PM20D1: variants seen among roughly 807,000 people sequenced by gnomAD.
The protein encoded by PM20D1 is N-fatty-acyl-amino acid synthase/hydrolase PM20D1.
In PM20D1, 53 loss-of-function variants were observed where a neutral mutation model predicts 53.8. The observed-to-expected ratio is 0.98, with a 90% CI of 0.79 to 1.24. The LOEUF (loss-of-function observed/expected upper bound fraction) is 1.24. Among genes scored for constraint, PM20D1 ranks in the 50% most tolerant of loss-of-function variants. The probability of loss-of-function intolerance (pLI) is 0.00; values close to 1 mark genes in which losing one functional copy is unlikely to be tolerated. For missense variants in PM20D1, 564 were observed against 616.8 expected, an observed-to-expected ratio of 0.91 and a Z score of 0.91; for synonymous variants, 239 against 241.3, an observed-to-expected ratio of 0.99 and a Z score of 0.09.
At position 205,847,934 on chromosome 1, in the gene PM20D1, C is replaced by T. The variant is rs745920567; in HGVS notation, c.207G>A (p.Glu69=). ...CAGCCAGGGCTGTAGTATTGGACTT[C>T]TCAGAGCTAAAAGTCACTGTTGGAA... The part of the protein sequence containing the change: ...IQIPTVTFSS[E]KSNTTALAEF... The change falls in exon 2 of 13, where the codon GAG becomes GAA. Residue 69 remains glutamate, a synonymous_variant. Coordinates refer to ENST00000367136, the MANE Select transcript of PM20D1 (RefSeq NM_152491.5). The T allele has an allele frequency of 1.3e-6, 2 of 1,599,432 alleles. No homozygotes were observed. The highest frequency in any genetic ancestry group is 4.5e-5 in the East Asian group (2 of 44,862).
chr1:205,847,822 A>G, intron 2 of PM20D1, 63 bp downstream of exon 2: 1 of 995,380 alleles, frequency 1.0e-6, no homozygotes. Context: ...ATCACTTTGT[A>G]AAAGAACTGT....
intron 4 of PM20D1, among the ~76,000 whole-genome samples, chr1:205,844,560 T>C (rs1329368852): frequency 6.6e-6 from 1 of 152,154 alleles, no homozygotes; most frequent in Non-Finnish European, 1.5e-5. Context: ...AGGGTATAGG[T>C]GATGGACCCA....
intron 6 of PM20D1, 68 bp downstream of exon 6, chr1:205,843,599 T>C: frequency 6.4e-7 from 1 of 1,553,468 alleles, no homozygotes; most frequent in Non-Finnish European, 8.7e-7. Flanking sequence ...CTCCTCAAAT[T>C]TAAAGTGGGA....
Position 205,842,272 on chromosome 1 carries a change from G to A in PM20D1, c.904-57C>T, listed in dbSNP as rs1370686581. 8 of 1,480,970 alleles carry A rather than the reference G, an allele frequency of 5.4e-6. No homozygotes were observed. In the South Asian group the frequency reaches 5.7e-5, roughly 10 times the overall value. The allele number at this position is 1,480,970 out of a possible 1,614,324, so 91.7% of individuals were successfully genotyped here. A position where few individuals can be genotyped will look rare whatever the true frequency, so the allele number is the denominator to read the frequency against. The stretch of plus-strand genomic sequence containing the variant: ...CACCTCTAGTTTAGCCTGGGTCTCT[G>A]AGACCTGAGTCTCTCTCTACTTTAG... On this transcript the variant is annotated intron_variant, in intron 7 of 12. Coordinates refer to ENST00000367136, the MANE Select transcript of PM20D1 (RefSeq NM_152491.5).
chr1:205,844,334 C>T, intron 4 of PM20D1, 117 bp from the exon 5 acceptor site: 1 of 1,255,230 alleles, frequency 8.0e-7, no homozygotes, highest in Non-Finnish European at 1.1e-6. Context: ...TACCTAGTCT[C>T]CTTCCTGGGA....
rs138572592 is a variant in PM20D1 at position 205,842,688 on chromosome 1, T to G, written c.891A>C (p.Gln297His). 6.2e-7 allele frequency: 1 copy of G among 1,614,056 alleles called. No homozygotes were observed. The highest frequency in any genetic ancestry group is 1.3e-5 in the African/African-American group (1 of 75,052). Residue 297 changes from glutamine to histidine, a missense_variant, in exon 7 of 13, where the codon CAA becomes CAC. Coordinates refer to ENST00000367136, the MANE Select transcript of PM20D1 (RefSeq NM_152491.5). Reference sequence around the variant, plus strand: ...CTTCTTCCCATACCTCATTTGCCAGTTGCTGCAATACAGTCACCACTGTCC... The same window carrying G: ...CTTCTTCCCATACCTCATTTGCCAGGTGCTGCAATACAGTCACCACTGTCC... ...GSGTVVTVLQ[Q>H]LANEFPFPVN... is the part of the protein sequence containing the mutation.
chr1:205,841,799 C>G lies in PM20D1; in HGVS notation c.1044+12G>C. 1 of 1,558,628 alleles carries G rather than the reference C, an allele frequency of 6.4e-7. No homozygotes were observed. Among genetic ancestry groups the G allele is most frequent in the South Asian group, 1.2e-5 (1 of 84,950 alleles). On this transcript the variant is annotated intron_variant, in intron 9 of 12. Transcript: ENST00000367136. Reference sequence around the variant, plus strand: ...AGGGAAAAGCTATATGGGGAGGAACCAGGGATGTTACCTTGACCCCTGCTT... The same window carrying G: ...AGGGAAAAGCTATATGGGGAGGAACGAGGGATGTTACCTTGACCCCTGCTT...
At chr1:205,843,253 C>T (rs1305303035) in intron 6 of PM20D1, among the ~76,000 whole-genome samples, 7 of 152,340 alleles carry the variant, frequency 4.6e-5, no homozygotes, top group African/African-American at 1.7e-4. Context: ...GGACTCTGGA[C>T]TACTCTAGCT....
rs771946150 is a variant in PM20D1 at position 205,830,336 on chromosome 1, G to A, written c.1329C>T (p.Leu443=). ...GGTAGAACCTGTAGATGCCAGTGGT[G>A]AGGTTTGTAAAGAATCGGCTGTCTG... The part of the protein sequence containing the change: ...GNTDSRFFTN[L]TTGIYRFYPI... The change falls in exon 12 of 13, where the codon CTC becomes CTT. Residue 443 remains leucine (L), a synonymous_variant. Transcript: ENST00000367136. 15 of 1,613,230 alleles carry A rather than the reference G, an allele frequency of 9.3e-6. No homozygotes were observed. In the South Asian group the frequency reaches 1.6e-4, roughly 18 times the overall value.
At chr1:205,849,860 G>T (rs2102533908) in intron 1 of PM20D1, 44 bp downstream of exon 1, 10 of 1,558,282 alleles carry the variant, frequency 6.4e-6, no homozygotes, top group Non-Finnish European at 8.7e-6. Flanking sequence ...GGGAGGGAGG[G>T]ACCCACATAT....
rs1656932271 is a variant in PM20D1 at position 205,845,468 on chromosome 1, T to C, written c.346A>G (p.Ser116Gly). ...HLFTIQGSDP[S>G]LQPYLLMAHF... is the part of the protein sequence containing the mutation. The stretch of plus-strand genomic sequence containing the variant: ...GCCATCAGCAGGTAGGGCTGCAAGC[T>C]GGGGTCCGAGCCTTGGATAGTGAAC... Residue 116 changes from serine (S) to glycine (G), a missense_variant, in exon 3 of 13, where the codon AGC (serine) becomes GGC (glycine). Coordinates refer to ENST00000367136, the MANE Select transcript of PM20D1 (RefSeq NM_152491.5). 6.2e-7 allele frequency: 1 copy of C among 1,614,058 alleles called. No homozygotes were observed. The highest frequency in any genetic ancestry group is 8.5e-7 in the Non-Finnish European group (1 of 1,180,024).
intron 11 of PM20D1, among the ~76,000 whole-genome samples, chr1:205,831,753 G>A (rs1038888387): frequency 6.6e-6 from 1 of 151,904 alleles, no homozygotes; most frequent in Non-Finnish European, 1.5e-5. Flanking sequence ...TAGTAGAGAC[G>A]AGGTTTCACC....
intron 6 of PM20D1, among the ~76,000 whole-genome samples, chr1:205,842,995 C>G (rs1360175589): frequency 6.6e-6 from 1 of 152,160 alleles, no homozygotes; most frequent in Non-Finnish European, 1.5e-5. Flanking sequence ...CTCTAGAATC[C>G]TGTGTGTCCA....
chr1:205,849,788 C>T (rs2102533854), intron 1 of PM20D1, 116 bp downstream of exon 1: 2 of 1,354,972 alleles, frequency 1.5e-6, no homozygotes, highest in African/African-American at 1.5e-5. Flanking sequence ...GGGTGCGTGT[C>T]GGGGCTCCAG....
At chr1:205,834,194 C>T (rs564315481) in intron 10 of PM20D1, among the ~76,000 whole-genome samples, 2 of 145,588 alleles carry the variant, frequency 1.4e-5, no homozygotes, top group African/African-American at 2.6e-5. Flanking sequence ...CTCGCTGTGT[C>T]GCCCAGGCTG....
chr1:205,842,799 A>G (rs1195403741), intron 6 of PM20D1, 48 bp from the exon 7 acceptor site: 1 of 1,571,244 alleles, frequency 6.4e-7, no homozygotes, highest in Non-Finnish European at 8.7e-7. Flanking sequence ...CCAGCCAAAG[A>G]TCAGTGGCTT....
chr1:205,845,126 C>G (rs1244774663), intron 3 of PM20D1, among the ~76,000 whole-genome samples, 199 bp downstream of exon 3: 1 of 152,104 alleles, frequency 6.6e-6, no homozygotes, highest in Non-Finnish European at 1.5e-5. Flanking sequence ...TGAAAGGGTC[C>G]CTGGGGACCA....
chr1:205,841,209 T>C (rs908240768), intron 9 of PM20D1, among the ~76,000 whole-genome samples: 5 of 152,142 alleles, frequency 3.3e-5, no homozygotes, highest in African/African-American at 1.2e-4. Flanking sequence ...AGAGTTAGGC[T>C]ATGGAGGGAT....
chr1:205,848,469 C>A (rs1657053133), intron 1 of PM20D1, among the ~76,000 whole-genome samples: 1 of 152,162 alleles, frequency 6.6e-6, no homozygotes, highest in Admixed American at 6.5e-5. Context: ...ACTAGTCTGT[C>A]AACCAAGACC....
Sources: gnomAD v4.1 joint callset for allele counts (sites outside exome capture counted in the v4.1 genomes callset) on GRCh38, gnomAD v4.1.1 for gene constraint, MANE v1.5 for transcripts, NCBI Gene and HGNC (gene_info 2026-07-23, HGNC 2026-07-21) for gene names.